The following SGK1 variants were observed in gnomAD, a reference collection of about 807,000 sequenced individuals.
SGK1 encodes serine/threonine-protein kinase Sgk1.
SGK1 carries 26 observed loss-of-function variants against 64.2 expected under a neutral mutation model. The observed-to-expected ratio is 0.40, with a 90% CI of 0.30 to 0.56. The LOEUF (loss-of-function observed/expected upper bound fraction) is 0.56, where lower values mean the gene tolerates loss of function less well. SGK1 is among the 20% of genes least tolerant of loss of function. The pLI, the probability that SGK1 is intolerant of heterozygous loss-of-function variation, is 0.38. For missense variants in SGK1, 519 were observed against 645.6 expected, an observed-to-expected ratio of 0.80 and a Z score of 2.12; for synonymous variants, 265 against 239.7, an observed-to-expected ratio of 1.11 and a Z score of -0.98.
At position 134,174,051 on chromosome 6, in the gene SGK1, G is replaced by A; in HGVS notation, c.467C>T (p.Ser156Phe). Reference sequence around the variant, plus strand: ...CATAAGCTCAGGCTCCTGAGGTTGGGAGATCTTCAAGATGGACTGAACTTC... The same window carrying A: ...CATAAGCTCAGGCTCCTGAGGTTGGAAGATCTTCAAGATGGACTGAACTTC... ...HPEVQSILKI[S>F]QPQEPELMNA... Residue 156 changes from serine to phenylalanine, a missense_variant, in exon 5 of 14, where the codon TCC becomes TTC. Physicochemically the swap from Ser to Phe is radical, Grantham distance 155. This residue lies in a region of SGK1 where 241 missense variants were observed against 236.9 expected (regional missense o/e 1.02). Coordinates refer to ENST00000367858, the MANE Select transcript of SGK1 (RefSeq NM_001143676.3). 2 of 1,613,574 alleles carry A rather than the reference G, an allele frequency of 1.2e-6. No individual in the cohort carries two copies. The highest frequency in any genetic ancestry group is 1.1e-5 in the South Asian group (1 of 90,996).
intron 2 of SGK1, among the ~76,000 whole-genome samples, chr6:134,241,048 C>CTTT (rs10686058): frequency 0.044 from 3,249 of 73,816 alleles, 216 homozygotes; most frequent in African/African-American, 0.11. Context: ...TTCTTTTTTT[C>CTTT]TTTTTTTTTT....
At chr6:134,301,880 A>T (rs1033396731) in intron 1 of SGK1, among the ~76,000 whole-genome samples, 3 of 152,302 alleles carry the variant, frequency 2.0e-5, no homozygotes, top group Non-Finnish European at 2.9e-5. Flanking sequence ...TATTGGCATG[A>T]GCCACCACTG....
chr6:134,293,073 G>A (rs528339283), intron 1 of SGK1, among the ~76,000 whole-genome samples: 46 of 152,284 alleles, frequency 3.0e-4, no homozygotes, highest in African/African-American at 1.1e-3. Context: ...TAAAAGACAC[G>A]AAGAGGGAGA....
intron 3 of SGK1, among the ~76,000 whole-genome samples, chr6:134,198,274 A>T (rs1775627097): frequency 6.6e-6 from 1 of 152,196 alleles, no homozygotes; most frequent in Non-Finnish European, 1.5e-5. Context: ...GTGTCCACAG[A>T]TTTTTACTAG....
intron 2 of SGK1, among the ~76,000 whole-genome samples, chr6:134,214,112 G>A (rs1368063146): frequency 6.6e-6 from 1 of 151,254 alleles, no homozygotes; most frequent in Non-Finnish European, 1.5e-5. Flanking sequence ...GTAGAGACGG[G>A]GTCTCACTTG....
chr6:134,240,981 A>G (rs1444165130), intron 2 of SGK1, among the ~76,000 whole-genome samples: 1 of 151,814 alleles, frequency 6.6e-6, no homozygotes, highest in Non-Finnish European at 1.5e-5. Context: ...AAAATGTTTC[A>G]TCTTTAGTAG....
intron 2 of SGK1, among the ~76,000 whole-genome samples, chr6:134,254,698 T>C (rs145534974): frequency 6.6e-6 from 1 of 152,316 alleles, no homozygotes; most frequent in Non-Finnish European, 1.5e-5. Flanking sequence ...TCTTTTAATT[T>C]ACATTTACCC....
chr6:134,301,531 T>TCTTCTCTTCTCTTCTCTTC (rs1777454108), intron 1 of SGK1, among the ~76,000 whole-genome samples: 2 of 139,012 alleles, frequency 1.4e-5, no homozygotes, highest in African/African-American at 5.1e-5. Flanking sequence ...CTTTTCTCTT[T>TCTTCTCTTCTCTTCTCTTC]TCTTCTCTTC....
intron 1 of SGK1, among the ~76,000 whole-genome samples, chr6:134,265,100 T>G (rs1776830393): frequency 1.3e-5 from 2 of 152,212 alleles, no homozygotes; most frequent in African/African-American, 4.8e-5. Flanking sequence ...ATTTAGAACA[T>G]AATTATATGA....
rs1582757799 is a variant in SGK1 at position 134,275,361 on chromosome 6, T to C, written c.70-13213A>G. On this transcript the variant is annotated intron_variant, in intron 1 of 13. Transcript: ENST00000367858. Reference sequence around the variant, plus strand: ...TGTGTCCAGCCTCCCTTTTTAATCTTAACCTCACTGATACCACAGCTTCTT... The same window carrying C: ...TGTGTCCAGCCTCCCTTTTTAATCTCAACCTCACTGATACCACAGCTTCTT... Among the ~76,000 whole-genome samples, 8 of 152,306 alleles carry C rather than the reference T, an allele frequency of 5.3e-5. 1 individual carries two copies. Among genetic ancestry groups the C allele is most frequent in the Admixed American group, 5.2e-4 (8 of 15,294 alleles).
intron 2 of SGK1, among the ~76,000 whole-genome samples, chr6:134,227,548 C>A (rs1388024646): frequency 2.0e-5 from 3 of 152,236 alleles, no homozygotes; most frequent in Non-Finnish European, 4.4e-5. Context: ...GCTTTTAAGG[C>A]AGATATACAA....
intron 1 of SGK1, among the ~76,000 whole-genome samples, chr6:134,280,561 A>C (rs909651267): frequency 4.6e-5 from 7 of 152,176 alleles, no homozygotes; most frequent in African/African-American, 7.2e-5. Flanking sequence ...TACAGGCATG[A>C]GCCACCTCGC....
chr6:134,207,104 C>T (rs906108245), intron 3 of SGK1, among the ~76,000 whole-genome samples: 19 of 151,410 alleles, frequency 1.3e-4, no homozygotes, highest in South Asian at 2.1e-4. Context: ...CGGGCGCCTA[C>T]AGTCCCAGCT....
At position 134,271,870 on chromosome 6, in the gene SGK1, C is replaced by A. The variant is rs1304673303; in HGVS notation, c.70-9722G>T. Among the ~76,000 whole-genome samples, 11 of 147,534 alleles carry A rather than the reference C, an allele frequency of 7.5e-5. 1 individual carries two copies. The Admixed American group carries it at 7.6e-4, about 10-fold the overall frequency. On this transcript the variant is annotated intron_variant, in intron 1 of 13. Transcript: ENST00000367858. ...TTTGTTTGTTTTTTTGAGATGGAGT[C>A]TTGCTCTGTTGCCTAGGCTGGAGTG... is the stretch of plus-strand genomic sequence containing the variant.
intron 2 of SGK1, among the ~76,000 whole-genome samples, chr6:134,215,577 AAT>A (rs1358369795): frequency 2.6e-5 from 4 of 152,052 alleles, no homozygotes. Flanking sequence ...TTATTTAAAG[AAT>A]ATTACTCCAG....
chr6:134,277,043 C>CA (rs1051307281), intron 1 of SGK1, among the ~76,000 whole-genome samples: 7 of 151,212 alleles, frequency 4.6e-5, no homozygotes, highest in Admixed American at 6.6e-5. Flanking sequence ...ACTCTTGTCT[C>CA]AAAAAAAACC....
chr6:134,303,375 G>C (rs890581462), intron 1 of SGK1, among the ~76,000 whole-genome samples: 2 of 151,852 alleles, frequency 1.3e-5, no homozygotes, highest in African/African-American at 2.4e-5. Context: ...CTGGGTGACA[G>C]AGCAAGACTC....
At chr6:134,232,475 G>GAAAGAGAAAGAAAGAGAAAGAAAAAGA (rs1776304415) in intron 2 of SGK1, among the ~76,000 whole-genome samples, 1 of 111,792 alleles carries the variant, frequency 8.9e-6, no homozygotes, top group Non-Finnish European at 1.8e-5. Context: ...AAGAAAGAAA[G>GAAAGAGAAAGAAAGAGAAAGAAAAAGA]AAAGAAAGAG....
intron 2 of SGK1, among the ~76,000 whole-genome samples, chr6:134,213,004 A>G (rs766525930): frequency 1.3e-5 from 2 of 152,186 alleles, no homozygotes; most frequent in African/African-American, 2.4e-5. Flanking sequence ...AGGGTCTTCA[A>G]GAATTCTTGT....
Sources: allele counts gnomAD v4.1 joint callset (sites outside exome capture counted in the v4.1 genomes callset), GRCh38; gene constraint gnomAD v4.1.1; regional missense constraint gnomAD v4.1.1; transcripts MANE v1.5; gene names NCBI Gene and HGNC (gene_info 2026-07-23, HGNC 2026-07-21).